Variants in MCOLN2 observed in about 807,000 individuals in gnomAD.
The protein encoded by MCOLN2 is mucolipin TRP cation channel 2.
MCOLN2 carries 57 observed loss-of-function variants against 67.5 expected under a neutral mutation model. That is an observed-to-expected ratio of 0.84 (90% CI 0.68 to 1.05). MCOLN2 has a LOEUF of 1.05. MCOLN2 is among the 50% of genes least tolerant of loss of function. The pLI, the probability that MCOLN2 is intolerant of heterozygous loss-of-function variation, is 0.00. For missense variants in MCOLN2, 620 were observed against 678.8 expected (o/e 0.91, Z 0.96); for synonymous variants, 246 against 233.3 (o/e 1.05, Z -0.50).
In MCOLN2 at chr1:84,996,951, C is replaced by T; in HGVS notation, c.-79G>A. On this transcript the variant is annotated 5_prime_UTR_variant, in exon 1 of 14. Transcript: ENST00000370608. Reference sequence around the variant, plus strand: ...GTTCACGGCCGACTCATTTCGCCCTCGCCGTAACGCGTCCGCCGAAGTTGG... The same window carrying T: ...GTTCACGGCCGACTCATTTCGCCCTTGCCGTAACGCGTCCGCCGAAGTTGG... The T allele has an allele frequency of 2.3e-6, 3 of 1,285,526 alleles. No individual in the cohort carries two copies. The highest frequency in any genetic ancestry group is 1.2e-5 in the South Asian group (1 of 82,440). 79.6% of individuals were successfully genotyped at this position (1,285,526 alleles called of 1,614,324 possible).
intron 1 of MCOLN2, among the ~76,000 whole-genome samples, chr1:84,987,631 T>TATATGCATATAGAAATATATACATAC (rs1557666136): frequency 2.7e-5 from 3 of 112,180 alleles, no homozygotes; most frequent in African/African-American, 9.5e-5. Context: ...TACATATGTA[T>TATATGCATATAGAAATATATACATAC]ATATGTATAT....
intron 6 of MCOLN2, among the ~76,000 whole-genome samples, chr1:84,949,970 T>A (rs1023666133): frequency 6.6e-6 from 1 of 152,152 alleles, no homozygotes; most frequent in Non-Finnish European, 1.5e-5. Flanking sequence ...ATAATTATCA[T>A]GAAAACATGT....
intron 1 of MCOLN2, among the ~76,000 whole-genome samples, chr1:84,989,599 G>C (rs1229945621): frequency 3.3e-5 from 5 of 151,964 alleles, no homozygotes; most frequent in Non-Finnish European, 7.4e-5. Context: ...ATTGATAGTA[G>C]TATAATATAT....
intron 7 of MCOLN2, among the ~76,000 whole-genome samples, chr1:84,946,604 C>T (rs930262923): frequency 5.3e-5 from 8 of 152,166 alleles, no homozygotes; most frequent in Admixed American, 6.5e-5. Context: ...TTCCTTTGAG[C>T]TTTGGTCATG....
At chr1:84,936,596 A>C (rs1405114828) in intron 11 of MCOLN2, among the ~76,000 whole-genome samples, 3 of 152,238 alleles carry the variant, frequency 2.0e-5, no homozygotes, top group Admixed American at 2.0e-4. Flanking sequence ...AAGATTTACT[A>C]CCAACCCAGA....
At chr1:84,971,816 C>T (rs942534179) in intron 1 of MCOLN2, 1 of 152,168 alleles carries the variant, frequency 6.6e-6, no homozygotes, top group East Asian at 1.9e-4. Flanking sequence ...AATCCCAGCA[C>T]TTTCGGAGGC....
intron 2 of MCOLN2, 111 bp downstream of exon 2, chr1:84,965,438 T>G: frequency 8.5e-7 from 1 of 1,180,022 alleles, no homozygotes; most frequent in South Asian, 1.6e-5. Flanking sequence ...TAATTTTAGT[T>G]TTATGAACTT....
At chr1:84,927,785 CTTTTA>C (rs750788522) in intron 13 of MCOLN2, among the ~76,000 whole-genome samples, 46 of 152,268 alleles carry the variant, frequency 3.0e-4, no homozygotes, top group Non-Finnish European at 5.6e-4. Flanking sequence ...CTGTCCCTAG[CTTTTA>C]TTTTATTTTT....
intron 6 of MCOLN2, among the ~76,000 whole-genome samples, chr1:84,948,882 C>A (rs1229859989): frequency 6.6e-6 from 1 of 152,260 alleles, no homozygotes; most frequent in Admixed American, 6.5e-5. Flanking sequence ...GTAATCCCAG[C>A]ACTTTGGAAG....
intron 1 of MCOLN2, among the ~76,000 whole-genome samples, chr1:84,984,014 T>C (rs7541684): frequency 0.44 from 66,343 of 152,040 alleles, 15,230 homozygotes; most frequent in East Asian, 0.63. Flanking sequence ...CCACTATTTT[T>C]TCATTTTAGG....
Position 84,931,378 on chromosome 1 carries a change from G to A in MCOLN2, c.1526C>T (p.Ser509Phe). Residue 509 changes from serine (S) to phenylalanine (F), a missense_variant, in exon 12 of 14, where the codon TCT becomes TTT. Coordinates refer to ENST00000370608, the MANE Select transcript of MCOLN2 (RefSeq NM_153259.4). The part of the protein sequence containing the change: ...LSLFIALITD[S>F]YDTIKKFQQN... ...ATTACTTACCTTAATGGTGTCATAA[G>A]AATCTGTAATAAGTGCAATAAAAAG... The A allele has an allele frequency of 6.4e-7, 1 of 1,568,930 alleles. No homozygotes were observed. The highest frequency in any genetic ancestry group is 8.8e-7 in the Non-Finnish European group (1 of 1,139,852).
intron 1 of MCOLN2, among the ~76,000 whole-genome samples, chr1:84,982,543 G>A (rs184752209): frequency 1.6e-4 from 25 of 152,196 alleles, no homozygotes; most frequent in Non-Finnish European, 3.5e-4. Flanking sequence ...AAATGAATAC[G>A]TATTTAGAGA....
chr1:84,944,611 A>T (rs1647990954), intron 7 of MCOLN2, among the ~76,000 whole-genome samples: 1 of 152,190 alleles, frequency 6.6e-6, no homozygotes, highest in African/African-American at 2.4e-5. Flanking sequence ...GAGTCCCCCA[A>T]TTCCTCCCCA....
intron 11 of MCOLN2, among the ~76,000 whole-genome samples, chr1:84,932,029 AACACAC>A (rs55925234): frequency 1.3e-5 from 2 of 148,526 alleles, no homozygotes; most frequent in African/African-American, 2.5e-5. Context: ...GTCTCTTTAA[AACACAC>A]ACACACACAC....
At chr1:84,951,207 G>A (rs1405703930) in intron 6 of MCOLN2, among the ~76,000 whole-genome samples, 3 of 152,196 alleles carry the variant, frequency 2.0e-5, no homozygotes, top group Admixed American at 1.3e-4. Flanking sequence ...TTTCCTGAGG[G>A]CCACTGTGCC....
chr1:84,991,813 G>C lies in MCOLN2; in HGVS notation c.77+4983C>G, dbSNP rs563236181. On this transcript the variant is annotated intron_variant, in intron 1 of 13. Coordinates refer to ENST00000370608, the MANE Select transcript of MCOLN2 (RefSeq NM_153259.4). The stretch of plus-strand genomic sequence containing the variant: ...CTTCTAAACAAGCCACACTCCTTTG[G>C]AAACTAGAAGAAACAGTTCTCTGAG... Among the ~76,000 whole-genome samples, 25 of 152,242 alleles carry C rather than the reference G, an allele frequency of 1.6e-4. 1 individual carries two copies. In the South Asian group the frequency reaches 4.8e-3, roughly 29 times the overall value.
intron 3 of MCOLN2, 97 bp downstream of exon 3, chr1:84,958,432 A>G: frequency 1.0e-6 from 1 of 971,798 alleles, no homozygotes; most frequent in Non-Finnish European, 1.5e-6. Context: ...TTACATTAGA[A>G]TATTTTAACA....
chr1:84,926,449 G>A lies in MCOLN2; in HGVS notation c.*236C>T, dbSNP rs569273188. On this transcript the variant is annotated 3_prime_UTR_variant, in exon 14 of 14. Transcript: ENST00000370608. ...CAGACTAATAGAGAATTTTATTATC[G>A]CTGTTATATTGCACTAATGCCCAGT... is the stretch of plus-strand genomic sequence containing the variant. 13 of 362,444 alleles carry A rather than the reference G, an allele frequency of 3.6e-5. No individual in the cohort carries two copies. The highest frequency in any genetic ancestry group is 5.9e-4 in the Middle Eastern group (1 of 1,694). The allele number at this position is 362,444 out of a possible 1,614,324, so 22.5% of individuals were successfully genotyped here.
chr1:84,954,507 G>A (rs1648678815), intron 4 of MCOLN2, among the ~76,000 whole-genome samples: 1 of 152,084 alleles, frequency 6.6e-6, no homozygotes, highest in South Asian at 2.1e-4. Context: ...AATCTTCAAA[G>A]CAACCTTGTG....
Sources: gnomAD v4.1 joint callset for allele counts (sites outside exome capture counted in the v4.1 genomes callset) on GRCh38, gnomAD v4.1.1 for gene constraint, MANE v1.5 for transcripts, NCBI Gene and HGNC (gene_info 2026-07-23, HGNC 2026-07-21) for gene names.